SND1: variants seen among roughly 807,000 people sequenced by gnomAD.
SND1 encodes the protein staphylococcal nuclease domain-containing protein 1.
A neutral mutation model predicts 121.7 loss-of-function variants in SND1; 38 were observed. The ratio of observed to expected loss-of-function variants is 0.31; its 90% CI spans 0.24 to 0.41. SND1 has a LOEUF of 0.41. SND1 is among the 10% of genes least tolerant of loss of function. The pLI is 1.00. For synonymous variants in SND1, 401 were observed against 447.4 expected (o/e 0.90, Z 1.31); for missense variants, 868 against 1,184.6 (o/e 0.73, Z 3.92).
chr7:127,887,924 A>C lies in SND1; in HGVS notation c.1366A>C (p.Ser456Arg). 6.2e-7 allele frequency: 1 copy of C among 1,611,970 alleles called. No homozygotes were observed. The highest frequency in any genetic ancestry group is 8.5e-7 in the Non-Finnish European group (1 of 1,178,720). ...GGINIAEALV[S>R]KGLATVIRYR... ...CAGAAACATTGCTGAGGCTCTTGTC[A>C]GCAAAGGTCTAGCCACAGTGATCAG... Residue 456 changes from serine to arginine, a missense_variant, in exon 13 of 24, where the codon AGC becomes CGC. Around this residue, in one of 2 missense-constraint regions of SND1, gnomAD observed 743 missense variants for 1,071.3 expected, o/e 0.69. Transcript: ENST00000354725.
chr7:127,967,983 T>G (rs1801894318), intron 15 of SND1, among the ~76,000 whole-genome samples: 1 of 152,172 alleles, frequency 6.6e-6, no homozygotes, highest in South Asian at 2.1e-4. Flanking sequence ...TGCTGTGGGG[T>G]AGGAAGGGTT....
rs5887354 is a variant in SND1, at chr7:127,749,043, G to GTTT, written c.1152+27660_1152+27662dup. On this transcript the variant is annotated intron_variant, in intron 10 of 23. Coordinates refer to ENST00000354725, the MANE Select transcript of SND1 (RefSeq NM_014390.4). ...ATATGTTAATGTATTTTTTTCTTTC[G>GTTT]TTTTTTTTTTTTTTTTTTTGAGACA... 1.6e-3 allele frequency among the ~76,000 whole-genome samples: 190 copies of GTTT among 116,494 alleles called. 3 individuals carry two copies. The highest frequency in any genetic ancestry group is 2.5e-3 in the African/African-American group (77 of 30,414). The allele number at this position is 116,494 out of a possible 152,430, so 76.4% of individuals were successfully genotyped here.
intron 16 of SND1, among the ~76,000 whole-genome samples, chr7:128,073,310 T>C (rs1407817467): frequency 6.6e-6 from 1 of 152,236 alleles, no homozygotes; most frequent in African/African-American, 2.4e-5. Context: ...ACATATCCCC[T>C]TCTATACCAC....
chr7:127,662,184 C>T (rs1398592057), intron 1 of SND1, among the ~76,000 whole-genome samples: 1 of 152,060 alleles, frequency 6.6e-6, no homozygotes, highest in Non-Finnish European at 1.5e-5. Context: ...TCTCATCCTC[C>T]CAGCAAACGT....
At chr7:127,756,554 G>A (rs899128408) in intron 10 of SND1, among the ~76,000 whole-genome samples, 6 of 152,218 alleles carry the variant, frequency 3.9e-5, no homozygotes, top group Admixed American at 2.6e-4. Flanking sequence ...GCCTTCCACT[G>A]TCCTTAACTC....
intron 15 of SND1, among the ~76,000 whole-genome samples, chr7:127,939,352 A>C (rs1209333840): frequency 6.6e-6 from 1 of 152,248 alleles, no homozygotes; most frequent in Non-Finnish European, 1.5e-5. Flanking sequence ...ACAGACTTCC[A>C]TGACATAATC....
chr7:127,856,245 A>T (rs1011541240), intron 12 of SND1, among the ~76,000 whole-genome samples: 1 of 152,226 alleles, frequency 6.6e-6, no homozygotes, highest in African/African-American at 2.4e-5. Context: ...GATACCTTTC[A>T]AATCAAGAGG....
chr7:127,869,733 C>G (rs967976183), intron 12 of SND1, among the ~76,000 whole-genome samples: 5 of 152,136 alleles, frequency 3.3e-5, no homozygotes, highest in Non-Finnish European at 7.4e-5. Flanking sequence ...ATTTTATCAA[C>G]TGTCGATTCA....
chr7:127,691,865 G>A (rs1426268292), intron 2 of SND1, among the ~76,000 whole-genome samples: 1 of 151,254 alleles, frequency 6.6e-6, no homozygotes, highest in Admixed American at 6.6e-5. Context: ...CTGACCTCAG[G>A]TGACCTGCCA....
intron 4 of SND1, 114 bp from the exon 5 acceptor site, chr7:127,701,049 A>G: frequency 1.7e-6 from 2 of 1,164,258 alleles, no homozygotes; most frequent in South Asian, 3.1e-5. Flanking sequence ...TAGATCTGAA[A>G]CAGACCTTTG....
chr7:128,077,081 G>A (rs536084494), intron 17 of SND1, among the ~76,000 whole-genome samples: 1 of 152,308 alleles, frequency 6.6e-6, no homozygotes, highest in African/African-American at 2.4e-5. Context: ...TGCTCAGCAG[G>A]GCCCTGCACA....
chr7:128,047,058 T>C (rs1021475025), intron 16 of SND1, among the ~76,000 whole-genome samples: 10 of 152,346 alleles, frequency 6.6e-5, no homozygotes, highest in African/African-American at 2.4e-4. Flanking sequence ...TTCACTATAA[T>C]TGGTTTCCTT....
At chr7:127,732,447 T>G (rs910256134) in intron 10 of SND1, among the ~76,000 whole-genome samples, 7 of 152,258 alleles carry the variant, frequency 4.6e-5, no homozygotes, top group Non-Finnish European at 5.9e-5. Flanking sequence ...GCTGTTCTTA[T>G]ATGCCCTTGT....
chr7:127,954,289 T>G (rs1194695317), intron 15 of SND1, among the ~76,000 whole-genome samples: 1 of 152,194 alleles, frequency 6.6e-6, no homozygotes, highest in Non-Finnish European at 1.5e-5. Context: ...GTACTAAAGA[T>G]CTTATCTGTG....
intron 9 of SND1, among the ~76,000 whole-genome samples, chr7:127,708,261 C>CA (rs112156306): frequency 1.4e-3 from 220 of 152,068 alleles, no homozygotes; most frequent in African/African-American, 4.7e-3. Flanking sequence ...CTAACCTAAG[C>CA]AAAAGTAGGC....
chr7:128,056,249 A>C (rs1793139847), intron 16 of SND1, among the ~76,000 whole-genome samples: 1 of 152,182 alleles, frequency 6.6e-6, no homozygotes, highest in African/African-American at 2.4e-5. Flanking sequence ...TCTTGCCTCG[A>C]GCATTTATGA....
At position 128,081,350 on chromosome 7, in the gene SND1, G is replaced by A. The variant is rs371217950; in HGVS notation, c.1969-10G>A. On this transcript the variant is annotated splice_polypyrimidine_tract_variant and intron_variant, in intron 17 of 23. Transcript: ENST00000354725. ...CGCCCTCTTCTCACCTCTGCCGACT[G>A]AACATGCAGGTCTGGGCCCACTATG... is the stretch of plus-strand genomic sequence containing the variant. 1 of 1,613,976 alleles carries A rather than the reference G, an allele frequency of 6.2e-7. No individual in the cohort carries two copies. Among genetic ancestry groups the A allele is most frequent in the Non-Finnish European group, 8.5e-7 (1 of 1,179,942 alleles).
intron 16 of SND1, among the ~76,000 whole-genome samples, chr7:128,026,421 C>T (rs1306413718): frequency 6.6e-6 from 1 of 152,204 alleles, no homozygotes; most frequent in African/African-American, 2.4e-5. Flanking sequence ...GTGCTGCCTG[C>T]CTCTCTTTCC....
chr7:127,715,091 A>G (rs1259280629), intron 9 of SND1, among the ~76,000 whole-genome samples: 2 of 151,856 alleles, frequency 1.3e-5, no homozygotes, highest in African/African-American at 2.4e-5. Context: ...ACCATTTTAC[A>G]TCGGTGCACG....
Sources: allele counts gnomAD v4.1 joint callset (sites outside exome capture counted in the v4.1 genomes callset), GRCh38; gene constraint gnomAD v4.1.1; regional missense constraint gnomAD v4.1.1; transcripts MANE v1.5; gene names NCBI Gene and HGNC (gene_info 2026-07-23, HGNC 2026-07-21).